Variants in RNGTT observed in about 807,000 individuals in gnomAD.
The protein encoded by RNGTT is mRNA-capping enzyme.
In RNGTT, 33 loss-of-function variants were observed where a neutral mutation model predicts 79.3. The observed-to-expected ratio is 0.42, with a 90% CI of 0.32 to 0.56. RNGTT has a LOEUF of 0.56. Ranked by LOEUF, RNGTT falls within the 20% of genes least tolerant of loss-of-function variation. RNGTT has a pLI of 0.17. For missense variants in RNGTT, 497 were observed against 739.1 expected (o/e 0.67, Z 3.80); for synonymous variants, 222 against 235.9 (o/e 0.94, Z 0.54).
intron 12 of RNGTT, among the ~76,000 whole-genome samples, chr6:88,786,894 T>C (rs1002924539): frequency 1.3e-5 from 2 of 152,140 alleles, no homozygotes; most frequent in African/African-American, 4.8e-5. Context: ...GACTCTGCCT[T>C]CATGAATGAG....
chr6:88,624,310 C>T (rs965823274), intron 14 of RNGTT, among the ~76,000 whole-genome samples: 2 of 151,852 alleles, frequency 1.3e-5, no homozygotes, highest in Non-Finnish European at 2.9e-5. Flanking sequence ...AGAAGTGATA[C>T]TAACTGATCT....
intron 2 of RNGTT, among the ~76,000 whole-genome samples, chr6:88,939,617 A>T (rs1361152334): frequency 6.6e-6 from 1 of 151,952 alleles, no homozygotes; most frequent in Admixed American, 6.6e-5. Flanking sequence ...CCATTTCATG[A>T]ATTTTTTTAT....
At chr6:88,834,834 A>C (rs1241157764) in intron 11 of RNGTT, among the ~76,000 whole-genome samples, 1 of 138,126 alleles carries the variant, frequency 7.2e-6, no homozygotes, top group East Asian at 2.0e-4. Flanking sequence ...ATAGAAAATA[A>C]ATCTGAATGC....
intron 11 of RNGTT, among the ~76,000 whole-genome samples, chr6:88,803,551 T>A (rs1582479480): frequency 8.1e-6 from 1 of 122,738 alleles, no homozygotes; most frequent in African/African-American, 3.3e-5. Context: ...CACTCCAGCC[T>A]GGGCAACAGA....
chr6:88,808,125 G>A (rs1780020599), intron 11 of RNGTT, among the ~76,000 whole-genome samples: 1 of 152,132 alleles, frequency 6.6e-6, no homozygotes, highest in African/African-American at 2.4e-5. Flanking sequence ...ATAATGAAGG[G>A]CATTGGAATG....
chr6:88,796,144 A>G (rs1779594048), intron 12 of RNGTT, among the ~76,000 whole-genome samples: 1 of 152,228 alleles, frequency 6.6e-6, no homozygotes, highest in Non-Finnish European at 1.5e-5. Flanking sequence ...TTGTTTTTAT[A>G]TTGAGTAAAT....
chr6:88,652,387 A>T (rs1477770209), intron 14 of RNGTT, among the ~76,000 whole-genome samples: 1 of 152,194 alleles, frequency 6.6e-6, no homozygotes, highest in East Asian at 1.9e-4. Context: ...AAATTTGAGG[A>T]CATGGAGAAG....
At chr6:88,808,657 G>A (rs1780036901) in intron 11 of RNGTT, among the ~76,000 whole-genome samples, 1 of 152,066 alleles carries the variant, frequency 6.6e-6, no homozygotes, top group Non-Finnish European at 1.5e-5. Context: ...TGTCTGTAAT[G>A]CCAGCACTTT....
intron 8 of RNGTT, among the ~76,000 whole-genome samples, chr6:88,875,457 G>T (rs1012598557): frequency 7.2e-5 from 11 of 151,922 alleles, no homozygotes; most frequent in Non-Finnish European, 1.3e-4. Flanking sequence ...TTTTAAGACA[G>T]AAAAATTCAT....
intron 13 of RNGTT, among the ~76,000 whole-genome samples, chr6:88,679,134 T>C (rs965602151): frequency 6.6e-6 from 1 of 152,076 alleles, no homozygotes; most frequent in African/African-American, 2.4e-5. Flanking sequence ...GGAGATAATA[T>C]AAACCTAAAT....
intron 4 of RNGTT, among the ~76,000 whole-genome samples, chr6:88,919,175 C>T (rs1784087261): frequency 6.6e-6 from 1 of 152,122 alleles, no homozygotes; most frequent in African/African-American, 2.4e-5. Context: ...AGCTTAGATA[C>T]GTCTTCAGTT....
At chr6:88,782,116 G>A (rs1253647400) in intron 12 of RNGTT, among the ~76,000 whole-genome samples, 4 of 151,944 alleles carry the variant, frequency 2.6e-5, no homozygotes, top group Non-Finnish European at 5.9e-5. Context: ...GAATAATTAA[G>A]GCAGCAATAA....
intron 13 of RNGTT, among the ~76,000 whole-genome samples, chr6:88,752,758 T>C (rs951618962): frequency 6.6e-6 from 1 of 152,138 alleles, no homozygotes; most frequent in African/African-American, 2.4e-5. Flanking sequence ...TGTAACTGGA[T>C]TATCTGTAAA....
chr6:88,956,905 G>A (rs1038172742), intron 1 of RNGTT, among the ~76,000 whole-genome samples: 7 of 152,140 alleles, frequency 4.6e-5, no homozygotes, highest in African/African-American at 1.4e-4. Context: ...CAGACGTGGT[G>A]GCAGGTAGTC....
intron 6 of RNGTT, among the ~76,000 whole-genome samples, chr6:88,900,133 CA>C (rs36070813): frequency 0.44 from 57,473 of 131,478 alleles, 11,616 homozygotes; most frequent in Middle Eastern, 0.59. Context: ...CTCAAATATG[CA>C]AAAAAAAAAA....
chr6:88,712,685 G>GT (rs1331971100), intron 13 of RNGTT, among the ~76,000 whole-genome samples: 2 of 152,134 alleles, frequency 1.3e-5, no homozygotes, highest in Non-Finnish European at 2.9e-5. Context: ...AACTTCTTTA[G>GT]TATCACCTCA....
intron 13 of RNGTT, among the ~76,000 whole-genome samples, chr6:88,747,381 G>C (rs184375918): frequency 6.6e-6 from 1 of 152,214 alleles, no homozygotes; most frequent in African/African-American, 2.4e-5. Flanking sequence ...TCTCAAATCT[G>C]TCAGCTCAAT....
intron 8 of RNGTT, among the ~76,000 whole-genome samples, chr6:88,887,569 C>A (rs746020544): frequency 1.3e-5 from 2 of 152,052 alleles, no homozygotes; most frequent in Non-Finnish European, 2.9e-5. Context: ...TTTGGTGGAG[C>A]CTGGTTCTAG....
chr6:88,929,977 T>A (rs1359853503), intron 2 of RNGTT, among the ~76,000 whole-genome samples: 1 of 147,080 alleles, frequency 6.8e-6, no homozygotes, highest in East Asian at 2.0e-4. Context: ...TATACATGCA[T>A]ATGTGCATAT....
Sources: gnomAD v4.1 joint callset for allele counts (sites outside exome capture counted in the v4.1 genomes callset) on GRCh38, gnomAD v4.1.1 for gene constraint, MANE v1.5 for transcripts, NCBI Gene and HGNC (gene_info 2026-07-23, HGNC 2026-07-21) for gene names.